Variants in NRXN3 observed in about 807,000 individuals in gnomAD.
NRXN3 encodes neurexin III.
NRXN3 carries 32 observed loss-of-function variants against 137.6 expected under a neutral mutation model. The ratio of observed to expected loss-of-function variants is 0.23; its 90% CI spans 0.18 to 0.31. NRXN3 has a LOEUF of 0.31. Among genes scored for constraint, NRXN3 ranks in the 10% least tolerant of loss-of-function variants. The pLI is 1.00. For missense variants in NRXN3, 1,574 were observed against 2,062.5 expected (o/e 0.76, Z 4.59); for synonymous variants, 798 against 784.5 (o/e 1.02, Z -0.29).
At chr14:79,131,831 C>T (rs988043187) in intron 15 of NRXN3, among the ~76,000 whole-genome samples, 9 of 152,236 alleles carry the variant, frequency 5.9e-5, no homozygotes, top group Admixed American at 2.6e-4. Context: ...ATCAGAGAGA[C>T]TCCGTGGGCG....
intron 8 of NRXN3, among the ~76,000 whole-genome samples, chr14:78,784,915 G>C (rs980879215): frequency 6.6e-6 from 1 of 152,082 alleles, no homozygotes; most frequent in South Asian, 2.1e-4. Context: ...AGCCAAGAGT[G>C]TATTCTATGG....
chr14:79,029,651 C>G (rs1335784375), intron 15 of NRXN3, among the ~76,000 whole-genome samples: 2 of 152,076 alleles, frequency 1.3e-5, no homozygotes, highest in East Asian at 3.9e-4. Context: ...TTAACAGCAT[C>G]CCTAGCCTCT....
At chr14:79,221,936 G>A (rs997525310) in intron 15 of NRXN3, among the ~76,000 whole-genome samples, 1 of 152,172 alleles carries the variant, frequency 6.6e-6, no homozygotes, top group African/African-American at 2.4e-5. Flanking sequence ...TGTATAAGGT[G>A]TAAGGAAGGG....
chr14:78,602,288 T>TAAA (rs374185719), intron 4 of NRXN3: 1 of 142,684 alleles, frequency 7.0e-6, no homozygotes, highest in Non-Finnish European at 1.5e-5. Context: ...TTTTTTTTTT[T>TAAA]AAATTCCAAG....
intron 4 of NRXN3, among the ~76,000 whole-genome samples, chr14:78,639,395 T>G (rs1263486190): frequency 1.3e-5 from 2 of 152,214 alleles, no homozygotes; most frequent in Non-Finnish European, 2.9e-5. Context: ...GCAGGTGTTC[T>G]TCACAGGACC....
rs57652833 is a variant in NRXN3, at chr14:78,658,066, T to C, written c.1221+6740T>C. 8.5e-3 allele frequency among the ~76,000 whole-genome samples: 1,298 copies of C among 152,338 alleles called. 25 individuals carry two copies. Among genetic ancestry groups the C allele is most frequent in the African/African-American group, 0.03 (1,246 of 41,582 alleles). The stretch of plus-strand genomic sequence containing the variant: ...GCCTTCCTGATTTCTCAGGTGGTGA[T>C]AATGTCTCTGTCCATAAGCAGGTGA... On this transcript the variant is annotated intron_variant, in intron 6 of 20. Coordinates refer to ENST00000335750, the MANE Select transcript of NRXN3 (RefSeq NM_001330195.2).
At position 79,422,671 on chromosome 14, in the gene NRXN3, C is replaced by A. The variant is rs115087679; in HGVS notation, c.3263-44550C>A. ...TGGATGGCTGTCTAGATTGAGCATG[C>A]AATTCTAATACTTCAGTTCCACATT... is the stretch of plus-strand genomic sequence containing the variant. On this transcript the variant is annotated intron_variant, in intron 15 of 20. Coordinates refer to ENST00000335750, the MANE Select transcript of NRXN3 (RefSeq NM_001330195.2). Among the ~76,000 whole-genome samples, 745 of 149,800 alleles carry A rather than the reference C, an allele frequency of 5.0e-3. 9 individuals carry two copies. Among genetic ancestry groups the A allele is most frequent in the African/African-American group, 0.016 (665 of 40,764 alleles).
intron 15 of NRXN3, among the ~76,000 whole-genome samples, chr14:79,247,540 T>C (rs1377682744): frequency 1.3e-5 from 2 of 152,178 alleles, no homozygotes; most frequent in Admixed American, 6.6e-5. Flanking sequence ...TCCCTGCACA[T>C]ATTTTCCCTG....
At chr14:79,124,943 A>G (rs1458130417) in intron 15 of NRXN3, among the ~76,000 whole-genome samples, 1 of 152,218 alleles carries the variant, frequency 6.6e-6, no homozygotes. Context: ...AGTTCCTAGA[A>G]AGCAAGCTAT....
At chr14:78,420,341 A>G (rs182253520) in intron 4 of NRXN3, among the ~76,000 whole-genome samples, 10 of 152,370 alleles carry the variant, frequency 6.6e-5, no homozygotes, top group Admixed American at 5.9e-4. Context: ...ATCAGTTTGC[A>G]ACTACAGATT....
At chr14:79,591,397 T>C (rs1290010933) in intron 16 of NRXN3, among the ~76,000 whole-genome samples, 1 of 152,216 alleles carries the variant, frequency 6.6e-6, no homozygotes, top group African/African-American at 2.4e-5. Flanking sequence ...ATTTTAAAAA[T>C]TGTTTAAAAT....
At chr14:78,989,508 T>A (rs569081439) in intron 15 of NRXN3, among the ~76,000 whole-genome samples, 1 of 152,306 alleles carries the variant, frequency 6.6e-6, no homozygotes, top group South Asian at 2.1e-4. Flanking sequence ...GTATCTGTCA[T>A]GTGAAGGATA....
intron 15 of NRXN3, among the ~76,000 whole-genome samples, chr14:79,146,576 G>A (rs766798698): frequency 1.2e-4 from 19 of 152,084 alleles, no homozygotes; most frequent in Non-Finnish European, 2.2e-4. Flanking sequence ...ACAACCATGA[G>A]GTCTGATAGG....
chr14:79,067,782 A>G lies in NRXN3; in HGVS notation c.3262+79641A>G, dbSNP rs899753544. Among the ~76,000 whole-genome samples, 13 of 152,214 alleles carry G rather than the reference A, an allele frequency of 8.5e-5. 1 individual carries two copies. In the East Asian group the frequency reaches 2.5e-3, roughly 29 times the overall value. ...CTTGGTAAAGACTCTACCTTCAAAT[A>G]AGTTCACAATGTCTAACTGTGAGTT... On this transcript the variant is annotated intron_variant, in intron 15 of 20. Coordinates refer to ENST00000335750, the MANE Select transcript of NRXN3 (RefSeq NM_001330195.2).
chr14:78,787,340 G>C (rs1276071630), intron 8 of NRXN3, among the ~76,000 whole-genome samples: 1 of 152,166 alleles, frequency 6.6e-6, no homozygotes, highest in East Asian at 1.9e-4. Context: ...GAGCAGTTCA[G>C]TTATCTAGCC....
chr14:79,685,635 G>A (rs963114145), intron 17 of NRXN3, among the ~76,000 whole-genome samples: 2 of 152,080 alleles, frequency 1.3e-5, no homozygotes, highest in Non-Finnish European at 2.9e-5. Context: ...CAGTCGCCTG[G>A]GCCTAGTTTT....
At chr14:78,645,004 T>C (rs1473296655) in intron 4 of NRXN3, 116 bp from the exon 5 acceptor site, 7 of 832,876 alleles carry the variant, frequency 8.4e-6, no homozygotes, top group Non-Finnish European at 1.3e-5. Context: ...GAGTGCTGTG[T>C]TGGTATCAGC....
At position 78,517,568 on chromosome 14, in the gene NRXN3, T is replaced by A. The variant is rs542205712; in HGVS notation, c.758-127552T>A. ...TTCACATTTTGCTCACCTCTTTCTC[T>A]TCATTGCATTAGTCAAGTTCAGAAA... On this transcript the variant is annotated intron_variant, in intron 4 of 20. Transcript: ENST00000335750. Among the ~76,000 whole-genome samples, 3 of 152,290 alleles carry A rather than the reference T, an allele frequency of 2.0e-5. No homozygotes were observed. In the East Asian group the frequency reaches 5.8e-4, roughly 29 times the overall value.
At chr14:79,299,978 C>T (rs1182072084) in intron 15 of NRXN3, among the ~76,000 whole-genome samples, 2 of 151,990 alleles carry the variant, frequency 1.3e-5, no homozygotes, top group Non-Finnish European at 2.9e-5. Flanking sequence ...TTGCAAGTGA[C>T]ACAAAGATCA....
Sources: gnomAD v4.1 joint callset for allele counts (sites outside exome capture counted in the v4.1 genomes callset) on GRCh38, gnomAD v4.1.1 for gene constraint, MANE v1.5 for transcripts, NCBI Gene and HGNC (gene_info 2026-07-23, HGNC 2026-07-21) for gene names.